BMP7: variants seen among roughly 807,000 people sequenced by gnomAD.
The protein encoded by BMP7 is bone morphogenetic protein 7.
BMP7 carries 12 observed loss-of-function variants against 41.2 expected under a neutral mutation model. The ratio of observed to expected loss-of-function variants is 0.29; its 90% CI spans 0.19 to 0.47. BMP7 has a LOEUF of 0.47. Among genes scored for constraint, BMP7 ranks in the 20% least tolerant of loss-of-function variants. The probability of loss-of-function intolerance (pLI) is 0.99; values close to 1 mark genes in which losing one functional copy is unlikely to be tolerated. For missense variants in BMP7, 467 were observed against 606.0 expected (o/e 0.77, Z 2.41); for synonymous variants, 248 against 250.0 (o/e 0.99, Z 0.07).
At chr20:57,189,174 A>G (rs1600732399) in intron 3 of BMP7, among the ~76,000 whole-genome samples, 2 of 152,224 alleles carry the variant, frequency 1.3e-5, no homozygotes, top group East Asian at 3.8e-4. Context: ...TTTGGAAGAA[A>G]TTGGACTGAA....
intron 1 of BMP7, among the ~76,000 whole-genome samples, chr20:57,247,284 A>G (rs2066094225): frequency 6.6e-6 from 1 of 152,068 alleles, no homozygotes; most frequent in Non-Finnish European, 1.5e-5. Flanking sequence ...ATGACTAAGA[A>G]CCCCAATTTC....
chr20:57,212,130 A>C (rs540242677), intron 2 of BMP7, among the ~76,000 whole-genome samples: 17 of 152,292 alleles, frequency 1.1e-4, no homozygotes, highest in Admixed American at 3.9e-4. Flanking sequence ...GGCGTGAAGG[A>C]GGGAAGAGGC....
At chr20:57,202,447 T>C in intron 3 of BMP7, 28 bp downstream of exon 3, 1 of 1,599,542 alleles carries the variant, frequency 6.3e-7, no homozygotes, top group Non-Finnish European at 8.5e-7. Context: ...CAGGCTGCAT[T>C]AGGACTGGCA....
intron 1 of BMP7, among the ~76,000 whole-genome samples, chr20:57,264,307 T>A (rs1184983411): frequency 6.6e-6 from 1 of 152,216 alleles, no homozygotes; most frequent in Non-Finnish European, 1.5e-5. Flanking sequence ...ATTATTTCCA[T>A]GTTGACACAG....
At position 57,266,091 on chromosome 20, in the gene BMP7, G is replaced by C; in HGVS notation, c.32C>G (p.Pro11Arg). 6.5e-7 allele frequency: 1 copy of C among 1,536,924 alleles called. No individual in the cohort carries two copies. The highest frequency in any genetic ancestry group is 8.7e-7 in the Non-Finnish European group (1 of 1,146,472). The change falls in exon 1 of 7, where the codon CCG (proline) becomes CGG (arginine). Residue 11 changes from proline to arginine, a missense_variant. Physicochemically the swap from Pro to Arg is moderately radical, Grantham distance 103 (BLOSUM62 -2). This residue lies in a region of BMP7 where 407 missense variants were observed against 485.9 expected (regional missense o/e 0.84). Coordinates refer to ENST00000395863, the MANE Select transcript of BMP7 (RefSeq NM_001719.3). ...TGCCCAGAGCGCCACGAAGCTGTGCGGCGCCGCAGCTCGCAGTGAGCGCAC... is the reference window on the plus strand; with the variant it reads ...TGCCCAGAGCGCCACGAAGCTGTGCCGCGCCGCAGCTCGCAGTGAGCGCAC... MHVRSLRAAA[P>R]HSFVALWAPL...
intron 6 of BMP7, 35 bp downstream of exon 6, chr20:57,173,165 C>G: frequency 1.3e-6 from 2 of 1,599,168 alleles, no homozygotes; most frequent in Non-Finnish European, 1.7e-6. Flanking sequence ...CTGCCCGGCC[C>G]AGGTGACCAC....
intron 2 of BMP7, among the ~76,000 whole-genome samples, chr20:57,219,339 G>A (rs1208606458): frequency 6.6e-6 from 1 of 151,952 alleles, no homozygotes; most frequent in Non-Finnish European, 1.5e-5. Flanking sequence ...GGTGGGCGAG[G>A]GACTTCCCAC....
At chr20:57,181,162 A>G (rs1984070916) in intron 4 of BMP7, among the ~76,000 whole-genome samples, 1 of 152,166 alleles carries the variant, frequency 6.6e-6, no homozygotes, top group African/African-American at 2.4e-5. Context: ...GCAACTCCTG[A>G]GCCGGCCCCC....
At chr20:57,176,791 C>CACACAA (rs1555811498) in intron 4 of BMP7, among the ~76,000 whole-genome samples, 1 of 149,952 alleles carries the variant, frequency 6.7e-6, no homozygotes, top group Non-Finnish European at 1.5e-5. Context: ...CACACACACA[C>CACACAA]CTGTTAACTG....
Position 57,202,476 on chromosome 20 carries a change from A to G in BMP7, c.759T>C (p.Asp253=). 1.3e-6 allele frequency: 2 copies of G among 1,580,060 alleles called. No homozygotes were observed. Among genetic ancestry groups the G allele is most frequent in the Non-Finnish European group, 1.7e-6 (2 of 1,168,872 alleles). Residue 253 remains aspartate (D), a splice_region_variant and synonymous_variant, in exon 3 of 7, where the codon GAT becomes GAC. Coordinates refer to ENST00000395863, the MANE Select transcript of BMP7 (RefSeq NM_001719.3). ...LGLQLSVETL[D]GQSINPKLAG... is the part of the protein sequence containing the mutation. ...ACTGGCAGTGGCCGGGGGACTCACC[A>G]TCCAGCGTCTCCACCGAGAGCTGCA...
chr20:57,247,961 T>C (rs2066096828), intron 1 of BMP7, among the ~76,000 whole-genome samples: 1 of 152,198 alleles, frequency 6.6e-6, no homozygotes, highest in Non-Finnish European at 1.5e-5. Context: ...AGCAAACAAC[T>C]GGCTGTTGGC....
chr20:57,209,283 A>ATG (rs1431660967), intron 2 of BMP7, among the ~76,000 whole-genome samples: 12 of 132,712 alleles, frequency 9.0e-5, no homozygotes, highest in African/African-American at 2.6e-4. Flanking sequence ...ATATATATAT[A>ATG]TATGTATATA....
chr20:57,257,626 T>C, intron 1 of BMP7, among the ~76,000 whole-genome samples: 1 of 152,034 alleles, frequency 6.6e-6, no homozygotes, highest in South Asian at 2.1e-4. Context: ...GAAAAGGTAG[T>C]AGTGGGAATT....
intron 3 of BMP7, among the ~76,000 whole-genome samples, chr20:57,197,203 A>ATT (rs879738123): frequency 2.8e-5 from 4 of 145,170 alleles, no homozygotes; most frequent in Admixed American, 6.9e-5. Flanking sequence ...CCCGGCCCTA[A>ATT]TTTTTTTTTT....
In BMP7 at chr20:57,173,604, C is replaced by T. The variant is rs376065367; in HGVS notation, c.1036-294G>A. 5.3e-5 allele frequency: 28 copies of T among 525,608 alleles called. No individual in the cohort carries two copies. In the Admixed American group the frequency reaches 6.4e-4, roughly 12 times the overall value. 32.6% of individuals were successfully genotyped at this position (525,608 alleles called of 1,614,324 possible). On this transcript the variant is annotated intron_variant, in intron 5 of 6. Coordinates refer to ENST00000395863, the MANE Select transcript of BMP7 (RefSeq NM_001719.3). The stretch of plus-strand genomic sequence containing the variant: ...GGTGAGCTATGATCACACCACTGCA[C>T]CCCAGCCTGGGTGACAGAGCAAGAC...
intron 1 of BMP7, among the ~76,000 whole-genome samples, chr20:57,241,790 A>G (rs1445236549): frequency 6.6e-6 from 1 of 152,206 alleles, no homozygotes; most frequent in Non-Finnish European, 1.5e-5. Flanking sequence ...CACAAGATTA[A>G]ACACTTCAAT....
At chr20:57,229,132 G>C (rs910901703) in intron 1 of BMP7, among the ~76,000 whole-genome samples, 1 of 152,180 alleles carries the variant, frequency 6.6e-6, no homozygotes, top group Non-Finnish European at 1.5e-5. Flanking sequence ...TGTAAATACT[G>C]CCATCTTGGC....
intron 1 of BMP7, among the ~76,000 whole-genome samples, chr20:57,260,279 T>C (rs2066148920): frequency 6.6e-6 from 1 of 152,252 alleles, no homozygotes; most frequent in East Asian, 1.9e-4. Flanking sequence ...TGACCTGCAA[T>C]AGAAAGAACC....
At chr20:57,191,998 T>A (rs1984371055) in intron 3 of BMP7, among the ~76,000 whole-genome samples, 1 of 125,352 alleles carries the variant, frequency 8.0e-6, no homozygotes, top group African/African-American at 3.2e-5. Context: ...TATATTATTG[T>A]ATATGTAATA....
Sources: allele counts gnomAD v4.1 joint callset (sites outside exome capture counted in the v4.1 genomes callset), GRCh38; gene constraint gnomAD v4.1.1; regional missense constraint gnomAD v4.1.1; transcripts MANE v1.5; gene names NCBI Gene and HGNC (gene_info 2026-07-23, HGNC 2026-07-21).